REV3L: variants seen among roughly 807,000 people sequenced by gnomAD.
REV3L encodes DNA polymerase zeta catalytic subunit.
Under a neutral mutation model 299.4 loss-of-function variants are expected in REV3L, and 69 were observed. That is an observed-to-expected ratio of 0.23 (90% CI 0.19 to 0.28). The LOEUF is 0.28. REV3L is among the 10% of genes least tolerant of loss of function. REV3L has a pLI of 1.00. For synonymous variants in REV3L, 1,238 were observed against 1,271.4 expected (o/e 0.97, Z 0.56); for missense variants, 3,128 against 3,693.8 (o/e 0.85, Z 3.97).
At chr6:111,325,104 A>G (rs993693049) in intron 25 of REV3L, among the ~76,000 whole-genome samples, 8 of 152,078 alleles carry the variant, frequency 5.3e-5, no homozygotes, top group Non-Finnish European at 7.4e-5. Context: ...CTCGTGATCC[A>G]CCCGCCTTGG....
At chr6:111,412,097 A>T in intron 2 of REV3L, 1 of 985,320 alleles carries the variant, frequency 1.0e-6, no homozygotes, top group Non-Finnish European at 1.2e-6. Context: ...AAGTTCAATA[A>T]GCAGAGACAA....
rs1486588722 is a variant in REV3L at position 111,372,915 on chromosome 6, C to T, written c.5440G>A (p.Ala1814Thr). ...RKEMGQSLDS[A>T]NTSFTAILSS... is the part of the protein sequence containing the mutation. ...AGTATTGCAGTAAAAGAGGTATTGGCTGAGTCAAGAGACTGTCCCATTTCT... is the reference window on the plus strand; with the variant it reads ...AGTATTGCAGTAAAAGAGGTATTGGTTGAGTCAAGAGACTGTCCCATTTCT... Residue 1814 changes from alanine to threonine, a missense_variant, in exon 13 of 32, where the codon GCC (alanine) becomes ACC (threonine). Ala to Thr is a moderately conservative substitution (Grantham distance 58). Around this residue, in one of 9 missense-constraint regions of REV3L, gnomAD observed 2,409 missense variants for 2,611.8 expected, o/e 0.92. Transcript: ENST00000368802. 6.2e-7 allele frequency: 1 copy of T among 1,614,056 alleles called. No homozygotes were observed.
intron 31 of REV3L, among the ~76,000 whole-genome samples, chr6:111,302,903 A>T (rs1771738679): frequency 6.6e-6 from 1 of 152,166 alleles, no homozygotes; most frequent in Admixed American, 6.5e-5. Context: ...TCCGTCTCAA[A>T]AAAAATTTTT....
intron 29 of REV3L, 96 bp from the exon 30 acceptor site, chr6:111,310,195 G>GA: frequency 7.3e-7 from 1 of 1,366,080 alleles, no homozygotes; most frequent in Non-Finnish European, 9.7e-7. Flanking sequence ...ATAAAACAAT[G>GA]AAAAAACTAC....
intron 1 of REV3L, among the ~76,000 whole-genome samples, chr6:111,463,746 C>T (rs1046325227): frequency 1.3e-5 from 2 of 152,068 alleles, no homozygotes; most frequent in African/African-American, 4.8e-5. Context: ...GAGAAAAAAA[C>T]GGTTTCATTA....
intron 29 of REV3L, chr6:111,310,388 G>C (rs542045556): frequency 9.5e-6 from 2 of 209,928 alleles, no homozygotes; most frequent in South Asian, 2.9e-4. Flanking sequence ...GGTGGGAGTG[G>C]TGGCTCATGC....
At chr6:111,347,558 A>G (rs548427792) in intron 20 of REV3L, among the ~76,000 whole-genome samples, 1 of 152,332 alleles carries the variant, frequency 6.6e-6, no homozygotes, top group East Asian at 1.9e-4. Context: ...AAAGTGTCTA[A>G]TGAGAAAGTA....
rs781270812 is a variant in REV3L at position 111,367,206 on chromosome 6, A to C, written c.6582T>G (p.Cys2194Trp). 2.5e-6 allele frequency: 4 copies of C among 1,613,922 alleles called. No homozygotes were observed. Among genetic ancestry groups the C allele is most frequent in the Non-Finnish European group, 3.4e-6 (4 of 1,179,978 alleles). The stretch of plus-strand genomic sequence containing the variant: ...GTGTACTATGAAAGCAAAGTGATTC[A>C]CATTTCCCAGTTCTTGCCCTAGTAT... ...PINTRARTGK[C>W]ESLCFHSTPI... is the part of the protein sequence containing the mutation. Residue 2194 changes from cysteine to tryptophan, a missense_variant, in exon 14 of 32, where the codon TGT (cysteine) becomes TGG (tryptophan). By Grantham distance (215) the Cys-to-Trp change is radical (BLOSUM62 -2). This residue lies in a region of REV3L where 2,409 missense variants were observed against 2,611.8 expected (regional missense o/e 0.92). Coordinates refer to ENST00000368802, the MANE Select transcript of REV3L (RefSeq NM_001372078.1).
Position 111,367,652 on chromosome 6 carries a change from T to C in REV3L, c.6136A>G (p.Lys2046Glu), listed in dbSNP as rs779363670. 8 of 1,614,248 alleles carry C rather than the reference T, an allele frequency of 5.0e-6. 1 individual carries two copies. In the South Asian group the frequency reaches 6.6e-5, roughly 13 times the overall value. Residue 2046 changes from lysine (K) to glutamate (E), a missense_variant, in exon 14 of 32, where the codon AAA (lysine) becomes GAA (glutamate). This residue lies in a region of REV3L where 2,409 missense variants were observed against 2,611.8 expected (regional missense o/e 0.92). Transcript: ENST00000368802. ...TCCATTTTTGGAGGCACTACAGGTT[T>C]GTCATCTGGGTTAACTGAAGAGCTA... is the stretch of plus-strand genomic sequence containing the variant. ...NFSSSVNPDD[K>E]PVVPPKMDVS...
At chr6:111,369,345 A>G (rs1779555305) in intron 13 of REV3L, among the ~76,000 whole-genome samples, 1 of 151,630 alleles carries the variant, frequency 6.6e-6, no homozygotes, top group South Asian at 2.1e-4. Flanking sequence ...ACATATTGTC[A>G]GCAGCATGGT....
At chr6:111,383,612 A>G (rs191484624) in intron 9 of REV3L, among the ~76,000 whole-genome samples, 8 of 152,328 alleles carry the variant, frequency 5.3e-5, no homozygotes, top group Non-Finnish European at 1.2e-4. Context: ...TGAAGAGTAC[A>G]CCAAAAAATG....
chr6:111,387,551 A>G (rs1017857961), intron 9 of REV3L, among the ~76,000 whole-genome samples: 1 of 152,230 alleles, frequency 6.6e-6, no homozygotes, highest in Admixed American at 6.5e-5. Context: ...ATAAGAAAAT[A>G]TAAAATTATA....
chr6:111,324,061 G>C (rs1198530648), intron 25 of REV3L, among the ~76,000 whole-genome samples: 1 of 152,152 alleles, frequency 6.6e-6, no homozygotes, highest in Non-Finnish European at 1.5e-5. Context: ...GTGCAGTGGT[G>C]TGAGCTTGGC....
At position 111,373,439 on chromosome 6, in the gene REV3L, A is replaced by C; in HGVS notation, c.4916T>G (p.Leu1639Ter). The C allele has an allele frequency of 6.2e-7, 1 of 1,613,750 alleles. No homozygotes were observed. The highest frequency in any genetic ancestry group is 8.5e-7 in the Non-Finnish European group (1 of 1,179,870). ...FESCYSLEDS[L>*]SPEHNYNFDI... is the part of the protein sequence containing the mutation. ...AAAATTATAATTATGTTCAGGAGAT[A>C]AACTATCTTCAAGTGAGTAACAACT... The change falls in exon 13 of 32, where the codon TTA becomes TGA. Residue 1639 changes from leucine to a stop codon, truncating the protein, a stop_gained. Coordinates refer to ENST00000368802, the MANE Select transcript of REV3L (RefSeq NM_001372078.1). LOFTEE classifies it high-confidence loss of function.
chr6:111,377,959 T>C, intron 11 of REV3L, 116 bp from the exon 12 acceptor site: 1 of 773,046 alleles, frequency 1.3e-6, no homozygotes, highest in Non-Finnish European at 1.9e-6. Flanking sequence ...TATAATAATG[T>C]ATCTAAGTTA....
chr6:111,410,064 G>A (rs1348940209), intron 3 of REV3L, among the ~76,000 whole-genome samples: 3 of 152,168 alleles, frequency 2.0e-5, no homozygotes, highest in African/African-American at 7.2e-5. Flanking sequence ...AACAGGTCTG[G>A]TATGGTGGCT....
chr6:111,324,917 A>G (rs1029420898), intron 25 of REV3L, among the ~76,000 whole-genome samples: 1 of 151,326 alleles, frequency 6.6e-6, no homozygotes, highest in Non-Finnish European at 1.5e-5. Context: ...GCTGGAGTAC[A>G]GTGGCGCAAT....
In REV3L at chr6:111,322,555, C is replaced by A. The variant is rs757711088; in HGVS notation, c.8351+14G>T. ...GAGATGCAAAAGACAACTACAAAACCAAAAACCCATTACCTGTCAGTATCG... is the reference window on the plus strand; with the variant it reads ...GAGATGCAAAAGACAACTACAAAACAAAAAACCCATTACCTGTCAGTATCG... On this transcript the variant is annotated intron_variant, in intron 26 of 31. Coordinates refer to ENST00000368802, the MANE Select transcript of REV3L (RefSeq NM_001372078.1). The A allele has an allele frequency of 6.2e-7, 1 of 1,602,736 alleles. No homozygotes were observed. Among genetic ancestry groups the A allele is most frequent in the Non-Finnish European group, 8.5e-7 (1 of 1,169,960 alleles).
chr6:111,325,487 A>G (rs2114798227), intron 25 of REV3L, among the ~76,000 whole-genome samples: 1 of 152,248 alleles, frequency 6.6e-6, no homozygotes, highest in Non-Finnish European at 1.5e-5. Flanking sequence ...TATTAGCTAC[A>G]TTTATTTATT....
Sources: gnomAD v4.1 joint callset for allele counts (sites outside exome capture counted in the v4.1 genomes callset) on GRCh38, gnomAD v4.1.1 for gene constraint, gnomAD v4.1.1 regional missense constraint, MANE v1.5 for transcripts, NCBI Gene and HGNC (gene_info 2026-07-23, HGNC 2026-07-21) for gene names.